SLC34A2: variants seen among roughly 807,000 people sequenced by gnomAD.
The protein encoded by SLC34A2 is solute carrier family 34 member 2.
In SLC34A2, 41 loss-of-function variants were observed where a neutral mutation model predicts 50.8. That is an observed-to-expected ratio of 0.81 (90% CI 0.63 to 1.05). SLC34A2 has a LOEUF of 1.05. Among genes scored for constraint, SLC34A2 ranks in the 50% least tolerant of loss-of-function variants. SLC34A2 has a pLI of 0.00. For synonymous variants in SLC34A2, 401 were observed against 364.2 expected (o/e 1.10, Z -1.15); for missense variants, 879 against 876.7 (o/e 1.00, Z -0.03).
At chr4:25,670,859 G>A (rs1206498100) in intron 8 of SLC34A2, 26 bp downstream of exon 8, 5 of 1,565,066 alleles carry the variant, frequency 3.2e-6, no homozygotes, top group Non-Finnish European at 3.5e-6. Flanking sequence ...TATTCCCGGG[G>A]CGGGGAGTGA....
intron 1 of SLC34A2, among the ~76,000 whole-genome samples, chr4:25,657,218 A>G (rs897863253): frequency 6.6e-6 from 1 of 152,168 alleles, no homozygotes; most frequent in African/African-American, 2.4e-5. Flanking sequence ...GCTGTTAGAC[A>G]CAAAGGGGAC....
Position 25,676,714 on chromosome 4 carries a change from G to T in SLC34A2, c.2038G>T (p.Ala680Ser). ...ISREAQGEVP[A>S]SDSKTECTAL ...CAGAGAGGCTCAGGGTGAGGTCCCT[G>T]CCTCGGACTCAAAGACCGAATGCAC... The change falls in exon 13 of 13, where the codon GCC becomes TCC. Residue 680 changes from alanine (A) to serine (S), a missense_variant. By Grantham distance (99) the Ala-to-Ser change is moderately conservative (BLOSUM62 1). Transcript: ENST00000382051. 2 of 1,614,186 alleles carry T rather than the reference G, an allele frequency of 1.2e-6. No homozygotes were observed. The highest frequency in any genetic ancestry group is 1.7e-6 in the Non-Finnish European group (2 of 1,180,022).
chr4:25,670,050 C>T (rs942021397), intron 7 of SLC34A2, among the ~76,000 whole-genome samples: 1 of 152,114 alleles, frequency 6.6e-6, no homozygotes, highest in African/African-American at 2.4e-5. Flanking sequence ...TGGCATAACC[C>T]TGTCTATACT....
chr4:25,675,239 G>A (rs551781235), intron 12 of SLC34A2, among the ~76,000 whole-genome samples: 181 of 152,230 alleles, frequency 1.2e-3, no homozygotes, highest in African/African-American at 4.2e-3. Context: ...CCCTATGTTG[G>A]CCAGGCTGGT....
At chr4:25,669,948 C>A (rs1182493447) in intron 7 of SLC34A2, 106 bp downstream of exon 7, 1 of 1,055,328 alleles carries the variant, frequency 9.5e-7, no homozygotes, top group Non-Finnish European at 1.5e-6. Flanking sequence ...CTGGGCCTGG[C>A]ATGGTGGCTC....
intron 4 of SLC34A2, among the ~76,000 whole-genome samples, chr4:25,665,750 A>G (rs572752618): frequency 7.2e-5 from 11 of 152,146 alleles, no homozygotes; most frequent in South Asian, 4.2e-4. Flanking sequence ...GCTCATTGGA[A>G]CCCACTGGTC....
intron 6 of SLC34A2, among the ~76,000 whole-genome samples, chr4:25,668,557 G>A (rs10939078): frequency 0.17 from 26,042 of 151,640 alleles, 3,028 homozygotes; most frequent in African/African-American, 0.32. Context: ...CAGGAGAATC[G>A]CTTGAACCCG....
At chr4:25,660,162 G>A (rs957053377) in intron 1 of SLC34A2, among the ~76,000 whole-genome samples, 1 of 152,166 alleles carries the variant, frequency 6.6e-6, no homozygotes, top group Admixed American at 6.5e-5. Context: ...TGCCCGGCAG[G>A]GCTCAAGACC....
chr4:25,662,916 C>A, intron 3 of SLC34A2, 74 bp downstream of exon 3: 3 of 1,547,822 alleles, frequency 1.9e-6, no homozygotes, highest in South Asian at 2.3e-5. Context: ...CCTCCTGTCC[C>A]TCCCCCTTTT....
intron 1 of SLC34A2, among the ~76,000 whole-genome samples, chr4:25,658,987 A>G (rs983520219): frequency 2.7e-5 from 4 of 147,778 alleles, no homozygotes; most frequent in Non-Finnish European, 5.9e-5. Context: ...CAGCATCTGA[A>G]TGATCATGTG....
chr4:25,674,272 A>G lies in SLC34A2; in HGVS notation c.1217-24A>G, dbSNP rs181623452. 3.5e-4 allele frequency: 564 copies of G among 1,592,148 alleles called. 4 individuals are homozygous for G. In the East Asian group the frequency reaches 0.011, roughly 32 times the overall value. ...CCATACCTTCCCCGGAGAGGCCATG[A>G]CATCTCTTCCTTCTGTCTTCCAGAT... is the stretch of plus-strand genomic sequence containing the variant. On this transcript the variant is annotated intron_variant, in intron 10 of 12. Coordinates refer to ENST00000382051, the MANE Select transcript of SLC34A2 (RefSeq NM_006424.3).
intron 12 of SLC34A2, 52 bp downstream of exon 12, chr4:25,674,681 G>A (rs753977652): frequency 6.2e-7 from 1 of 1,609,726 alleles, no homozygotes; most frequent in African/African-American, 1.3e-5. Flanking sequence ...ACCACCCATG[G>A]TCTTGCAAAC....
At chr4:25,664,098 G>C in intron 3 of SLC34A2, 104 bp from the exon 4 acceptor site, 1 of 1,096,704 alleles carries the variant, frequency 9.1e-7, no homozygotes, top group Non-Finnish European at 1.4e-6. Flanking sequence ...TGGGAAGGGA[G>C]GGGAGGTCGG....
At chr4:25,671,498 C>A (rs1166356080) in intron 8 of SLC34A2, 103 bp from the exon 9 acceptor site, 3 of 1,410,100 alleles carry the variant, frequency 2.1e-6, no homozygotes, top group East Asian at 2.3e-5. Flanking sequence ...ATACTGCATG[C>A]ACCATGGGTG....
chr4:25,672,786 A>G, intron 9 of SLC34A2, among the ~76,000 whole-genome samples: 1 of 152,116 alleles, frequency 6.6e-6, no homozygotes, highest in Admixed American at 6.5e-5. Flanking sequence ...AAATTAGACC[A>G]TCGACAGCAT....
At position 25,676,526 on chromosome 4, in the gene SLC34A2, G is replaced by A. The variant is rs1417065596; in HGVS notation, c.1850G>A (p.Arg617His). Residue 617 changes from arginine to histidine, a missense_variant, in exon 13 of 13, where the codon CGC (arginine) becomes CAC (histidine). Arg to His is a conservative substitution (Grantham distance 29, BLOSUM62 0). Coordinates refer to ENST00000382051, the MANE Select transcript of SLC34A2 (RefSeq NM_006424.3). ...VSKFTGCFQM[R>H]CCCCCRVCCR... ...AAGTTCACCGGCTGCTTCCAGATGC[G>A]CTGCTGCTGCTGCTGCCGCGTGTGC... 2.5e-6 allele frequency: 4 copies of A among 1,606,874 alleles called. No individual in the cohort carries two copies. Among genetic ancestry groups the A allele is most frequent in the East Asian group, 2.2e-5 (1 of 44,800 alleles).
In SLC34A2 at chr4:25,674,545, G is replaced by C; in HGVS notation, c.1374G>C (p.Thr458=). 6.2e-7 allele frequency: 1 copy of C among 1,614,166 alleles called. No homozygotes were observed. The highest frequency in any genetic ancestry group is 8.5e-7 in the Non-Finnish European group (1 of 1,180,026). ...VITIERAYPL[T]LGSNIGTTTT... is the part of the protein sequence containing the mutation. ...CCATTGAGAGGGCTTATCCACTCACGCTGGGCTCCAACATCGGCACCACCA... is the reference window on the plus strand; with the variant it reads ...CCATTGAGAGGGCTTATCCACTCACCCTGGGCTCCAACATCGGCACCACCA... The change falls in exon 12 of 13, where the codon ACG becomes ACC. Residue 458 remains threonine (T), a synonymous_variant. Coordinates refer to ENST00000382051, the MANE Select transcript of SLC34A2 (RefSeq NM_006424.3).
chr4:25,676,502 A>C lies in SLC34A2; in HGVS notation c.1826A>C (p.Lys609Thr). 6.2e-7 allele frequency: 1 copy of C among 1,614,086 alleles called. No individual in the cohort carries two copies. Among genetic ancestry groups the C allele is most frequent in the Non-Finnish European group, 8.5e-7 (1 of 1,179,998 alleles). Residue 609 changes from lysine to threonine, a missense_variant, in exon 13 of 13, where the codon AAG becomes ACG. Physicochemically the swap from Lys to Thr is moderately conservative, Grantham distance 78. Transcript: ENST00000382051. ...SLKPWDAVVSKFTGCFQMRCC... is the reference protein window; with the variant it reads ...SLKPWDAVVSTFTGCFQMRCC... ...AAGCCCTGGGATGCCGTCGTCTCCAAGTTCACCGGCTGCTTCCAGATGCGC... is the reference window on the plus strand; with the variant it reads ...AAGCCCTGGGATGCCGTCGTCTCCACGTTCACCGGCTGCTTCCAGATGCGC...
intron 12 of SLC34A2, among the ~76,000 whole-genome samples, chr4:25,674,910 A>G (rs1012617027): frequency 6.6e-6 from 1 of 152,248 alleles, no homozygotes; most frequent in African/African-American, 2.4e-5. Context: ...TAGGAAGCAC[A>G]GACACCACCT....
Sources: gnomAD v4.1 joint callset for allele counts (sites outside exome capture counted in the v4.1 genomes callset) on GRCh38, gnomAD v4.1.1 for gene constraint, MANE v1.5 for transcripts, NCBI Gene and HGNC (gene_info 2026-07-23, HGNC 2026-07-21) for gene names.